Variants in STK32C observed in about 807,000 individuals in gnomAD.
STK32C encodes the protein serine/threonine-protein kinase 32C.
In STK32C, 31 loss-of-function variants were observed where a neutral mutation model predicts 56.5. The ratio of observed to expected loss-of-function variants is 0.55; its 90% CI spans 0.41 to 0.74. The LOEUF (loss-of-function observed/expected upper bound fraction) is 0.74. Ranked by LOEUF, STK32C falls within the 30% of genes least tolerant of loss-of-function variation. The pLI, the probability that STK32C is intolerant of heterozygous loss-of-function variation, is 0.00. For missense variants in STK32C, 544 were observed against 676.9 expected (o/e 0.80, Z 2.18); for synonymous variants, 309 against 289.4 (o/e 1.07, Z -0.69).
At chr10:132,246,016 CTCCCCCACCTCAACA>C (rs1375500418) in intron 1 of STK32C, 61 bp from the exon 2 acceptor site, 3 of 1,512,626 alleles carry the variant, frequency 2.0e-6, no homozygotes, top group South Asian at 2.2e-5. Flanking sequence ...CCCAGAGCAG[CTCCCCCACCTCAACA>C]TCCCCCACCC....
At chr10:132,238,452 G>A (rs2063374517) in intron 2 of STK32C, among the ~76,000 whole-genome samples, 1 of 152,238 alleles carries the variant, frequency 6.6e-6, no homozygotes, top group Admixed American at 6.5e-5. Context: ...CACGGGCAGA[G>A]CCTTAGTGGA....
At chr10:132,227,361 A>C (rs1362785354) in intron 3 of STK32C, among the ~76,000 whole-genome samples, 1 of 152,196 alleles carries the variant, frequency 6.6e-6, no homozygotes, top group Admixed American at 6.5e-5. Context: ...CACTCTTGAC[A>C]GTGTTGGGCA....
chr10:132,207,899 CGCCA>C lies in STK32C; in HGVS notation c.*107_*110del, dbSNP rs558606712. 4.4e-5 allele frequency: 53 copies of C among 1,202,416 alleles called. No individual in the cohort carries two copies. The Admixed American group carries it at 8.0e-4, about 18-fold the overall frequency. The allele number at this position is 1,202,416 out of a possible 1,614,324, so 74.5% of individuals were successfully genotyped here. On this transcript the variant is annotated 3_prime_UTR_variant, in exon 12 of 12. Coordinates refer to ENST00000298630, the MANE Select transcript of STK32C (RefSeq NM_173575.4). ...AATGTGTCCGGGGCACTGTGGGCAC[CGCCA>C]GCCAGGCTGGGTGGGAACGTGAATG... is the stretch of plus-strand genomic sequence containing the variant.
intron 1 of STK32C, among the ~76,000 whole-genome samples, chr10:132,268,250 T>C (rs2064657236): frequency 6.8e-6 from 1 of 147,170 alleles, no homozygotes. Flanking sequence ...TGTCGGTGTG[T>C]GTGCATGCAT....
chr10:132,309,526 G>A (rs557677128), upstream of STK32C, among the ~76,000 whole-genome samples: 3 of 152,206 alleles, frequency 2.0e-5, no homozygotes, highest in African/African-American at 7.2e-5. Flanking sequence ...CAAACGCATC[G>A]GTCTCTAACT....
intron 1 of STK32C, among the ~76,000 whole-genome samples, chr10:132,271,321 G>A (rs1184901480): frequency 6.6e-6 from 1 of 152,124 alleles, no homozygotes; most frequent in Non-Finnish European, 1.5e-5. Context: ...CAGGCCCCTG[G>A]CACTCAGGAA....
intron 1 of STK32C, among the ~76,000 whole-genome samples, chr10:132,261,138 C>A (rs2064291505): frequency 6.6e-6 from 1 of 152,210 alleles, no homozygotes. Context: ...ATCACTGCTT[C>A]CCATGCGGAG....
At chr10:132,281,892 T>C (rs879403566) in intron 1 of STK32C, among the ~76,000 whole-genome samples, 5 of 145,900 alleles carry the variant, frequency 3.4e-5, no homozygotes, top group Non-Finnish European at 5.9e-5. Context: ...CCAACCAGGA[T>C]GGTGGGGTCT....
Position 132,208,521 on chromosome 10 carries a change from G to A in STK32C, c.1320-370C>T, listed in dbSNP as rs76352609. On this transcript the variant is annotated intron_variant, in intron 11 of 11. Transcript: ENST00000298630. ...GCCGTCTGCACGTGCTGCCCTGCAC[G>A]TCCTGTCCATAAGAGCTCAGACCCA... 2.5e-4 allele frequency among the ~76,000 whole-genome samples: 38 copies of A among 152,310 alleles called. No individual in the cohort carries two copies. In the East Asian group the frequency reaches 3.5e-3, roughly 14 times the overall value.
chr10:132,223,036 C>T (rs762761035), intron 8 of STK32C, 50 bp from the exon 9 acceptor site: 17 of 1,522,726 alleles, frequency 1.1e-5, no homozygotes, highest in Admixed American at 3.9e-5. Context: ...CCCACCAGCA[C>T]GGAATAGCCC....
At chr10:132,208,920 A>C in intron 11 of STK32C, 114 bp downstream of exon 11, 1 of 926,356 alleles carries the variant, frequency 1.1e-6, no homozygotes, top group Admixed American at 2.1e-5. Flanking sequence ...CAAAGAGAGC[A>C]GGGCCACGCA....
chr10:132,294,309 C>T (rs553265598), intron 1 of STK32C, among the ~76,000 whole-genome samples: 3 of 152,168 alleles, frequency 2.0e-5, no homozygotes, highest in Non-Finnish European at 2.9e-5. Flanking sequence ...TGCCATAGGT[C>T]GAGGCCAAGG....
chr10:132,243,400 G>A (rs938462872), intron 2 of STK32C, among the ~76,000 whole-genome samples: 6 of 152,136 alleles, frequency 3.9e-5, no homozygotes, highest in Non-Finnish European at 8.8e-5. Flanking sequence ...GGGGTGGAGA[G>A]TGGGCTGGAC....
chr10:132,267,523 G>A (rs1356744776), intron 1 of STK32C, among the ~76,000 whole-genome samples: 2 of 147,960 alleles, frequency 1.4e-5, no homozygotes, highest in Admixed American at 1.3e-4. Flanking sequence ...GTGTGTCAGT[G>A]TGTGTGCATG....
intron 2 of STK32C, among the ~76,000 whole-genome samples, chr10:132,240,286 A>G (rs1249442323): frequency 6.6e-6 from 1 of 152,194 alleles, no homozygotes; most frequent in Non-Finnish European, 1.5e-5. Flanking sequence ...AACCCTCAGA[A>G]CCAGCTCCTC....
intron 1 of STK32C, among the ~76,000 whole-genome samples, chr10:132,275,797 A>G (rs1217178164): frequency 6.6e-6 from 1 of 152,228 alleles, no homozygotes; most frequent in Non-Finnish European, 1.5e-5. Context: ...TACAGCCTTC[A>G]GCGGAAACCT....
intron 1 of STK32C, among the ~76,000 whole-genome samples, chr10:132,292,545 ACT>A (rs775310852): frequency 7.2e-5 from 11 of 152,096 alleles, no homozygotes; most frequent in Non-Finnish European, 1.6e-4. Context: ...GCATGCACAC[ACT>A]CACATGCTCA....
At chr10:132,270,121 G>A (rs955675558) in intron 1 of STK32C, among the ~76,000 whole-genome samples, 9 of 152,386 alleles carry the variant, frequency 5.9e-5, no homozygotes, top group Admixed American at 3.3e-4. Context: ...ACCCACGTGA[G>A]GAGGAGGCCG....
At chr10:132,285,648 G>A (rs1590394982) in intron 1 of STK32C, among the ~76,000 whole-genome samples, 1 of 152,176 alleles carries the variant, frequency 6.6e-6, no homozygotes, top group East Asian at 1.9e-4. Context: ...AACCCTAAAT[G>A]TGAATGCACC....
Sources: allele counts gnomAD v4.1 joint callset (sites outside exome capture counted in the v4.1 genomes callset), GRCh38; gene constraint gnomAD v4.1.1; transcripts MANE v1.5; gene names NCBI Gene and HGNC (gene_info 2026-07-23, HGNC 2026-07-21).